CCDC192: variants seen among roughly 807,000 people sequenced by gnomAD.
The protein encoded by CCDC192 is coiled-coil domain-containing protein 192.
At chr5:127,719,524 T>TATAC (rs1561444898) in intron 2 of CCDC192, among the ~76,000 whole-genome samples, 2 of 88,242 alleles carry the variant, frequency 2.3e-5, no homozygotes, top group East Asian at 3.2e-4. Flanking sequence ...TATATATATA[T>TATAC]ACACACATAC....
chr5:127,747,169 A>G (rs532455360), intron 2 of CCDC192, among the ~76,000 whole-genome samples: 482 of 151,244 alleles, frequency 3.2e-3, no homozygotes, highest in Non-Finnish European at 5.4e-3. Flanking sequence ...GGTTAGTTAC[A>G]TACGTATACA....
At chr5:127,807,629 T>A (rs1163966636) in intron 5 of CCDC192, among the ~76,000 whole-genome samples, 1 of 152,108 alleles carries the variant, frequency 6.6e-6, no homozygotes, top group African/African-American at 2.4e-5. Flanking sequence ...GGGTAGTTCT[T>A]CAATTCAAGA....
At chr5:127,847,349 CAT>C (rs1183603069) in intron 5 of CCDC192, among the ~76,000 whole-genome samples, 1 of 152,186 alleles carries the variant, frequency 6.6e-6, no homozygotes. Flanking sequence ...TTGAAATTCA[CAT>C]AGTGAATAGT....
intron 6 of CCDC192, among the ~76,000 whole-genome samples, chr5:127,885,224 CA>C (rs1261295878): frequency 6.6e-6 from 1 of 152,122 alleles, no homozygotes; most frequent in Non-Finnish European, 1.5e-5. Context: ...TGATCAATTT[CA>C]AAGGTTTCGT....
intron 6 of CCDC192, among the ~76,000 whole-genome samples, chr5:127,879,572 A>C (rs549083986): frequency 1.2e-3 from 58 of 47,930 alleles, no homozygotes; most frequent in Non-Finnish European, 1.4e-3. Flanking sequence ...GCAACAAAAG[A>C]CAAAATTGAC....
chr5:127,847,370 T>G (rs957605635), intron 5 of CCDC192, among the ~76,000 whole-genome samples: 2 of 152,232 alleles, frequency 1.3e-5, no homozygotes, highest in Admixed American at 6.5e-5. Flanking sequence ...GTCCGTTATA[T>G]TTTTGCTGCT....
At chr5:127,827,858 T>C (rs1010337721) in intron 5 of CCDC192, among the ~76,000 whole-genome samples, 2 of 152,210 alleles carry the variant, frequency 1.3e-5, no homozygotes, top group African/African-American at 4.8e-5. Context: ...ACTCTACCCA[T>C]GTAAAATCCT....
chr5:127,761,981 A>C (rs967396859), intron 3 of CCDC192, among the ~76,000 whole-genome samples: 1 of 152,170 alleles, frequency 6.6e-6, no homozygotes, highest in African/African-American at 2.4e-5. Flanking sequence ...GATACCAGCA[A>C]ATTTTTGATA....
chr5:127,810,132 CT>C (rs1438847911), intron 5 of CCDC192, among the ~76,000 whole-genome samples: 1 of 152,190 alleles, frequency 6.6e-6, no homozygotes, highest in Admixed American at 6.5e-5. Context: ...ATAATGCTAG[CT>C]TTTGTAACAC....
intron 5 of CCDC192, among the ~76,000 whole-genome samples, chr5:127,840,666 G>A (rs1476238850): frequency 6.6e-6 from 1 of 152,040 alleles, no homozygotes; most frequent in Non-Finnish European, 1.5e-5. Flanking sequence ...TAAGACTCCA[G>A]GAAGTTAAGC....
chr5:127,843,646 C>T (rs570603428), intron 5 of CCDC192, among the ~76,000 whole-genome samples: 3 of 151,984 alleles, frequency 2.0e-5, no homozygotes, highest in African/African-American at 4.8e-5. Context: ...TCATATTGGC[C>T]GGGCTGGTCT....
intron 5 of CCDC192, among the ~76,000 whole-genome samples, chr5:127,844,716 A>G (rs1310457492): frequency 1.3e-5 from 2 of 152,214 alleles, no homozygotes; most frequent in Non-Finnish European, 2.9e-5. Flanking sequence ...CTCTTTGTGC[A>G]TTCACAGTGG....
chr5:127,871,169 C>T (rs905020098), intron 5 of CCDC192, among the ~76,000 whole-genome samples: 2 of 152,188 alleles, frequency 1.3e-5, no homozygotes, highest in African/African-American at 2.4e-5. Context: ...GCCTAGGCAC[C>T]GGGCCAGCTC....
At chr5:127,801,261 A>T (rs1418564535) in intron 5 of CCDC192, among the ~76,000 whole-genome samples, 1 of 152,184 alleles carries the variant, frequency 6.6e-6, no homozygotes, top group East Asian at 1.9e-4. Flanking sequence ...TTAGGAAATA[A>T]CTTGAAGTAT....
At chr5:127,717,934 A>G (rs1417462584) in intron 2 of CCDC192, among the ~76,000 whole-genome samples, 1 of 150,848 alleles carries the variant, frequency 6.6e-6, no homozygotes, top group African/African-American at 2.4e-5. Flanking sequence ...TAGACAAAAA[A>G]AAAAAAAAAA....
At chr5:127,794,450 A>G (rs895971314) in intron 3 of CCDC192, among the ~76,000 whole-genome samples, 4 of 152,242 alleles carry the variant, frequency 2.6e-5, no homozygotes, top group African/African-American at 9.6e-5. Context: ...AAATTGAGAT[A>G]CTAAAATAAA....
At chr5:127,849,518 G>A (rs1750708003) in intron 5 of CCDC192, among the ~76,000 whole-genome samples, 1 of 152,166 alleles carries the variant, frequency 6.6e-6, no homozygotes, top group Admixed American at 6.5e-5. Context: ...GGACAAAAGA[G>A]TGATTTCGTC....
chr5:127,776,854 GAGAAGTC>G (rs935612421), intron 3 of CCDC192, among the ~76,000 whole-genome samples: 1 of 152,232 alleles, frequency 6.6e-6, no homozygotes, highest in Non-Finnish European at 1.5e-5. Flanking sequence ...TGCGCGTGCA[GAGAAGTC>G]AAGAATTGAG....
intron 2 of CCDC192, among the ~76,000 whole-genome samples, chr5:127,749,765 C>G (rs1357755367): frequency 5.3e-5 from 8 of 152,098 alleles, no homozygotes; most frequent in Admixed American, 1.3e-4. Flanking sequence ...GGTTGGTAAG[C>G]TATTGATTAT....
Sources: allele counts gnomAD v4.1 joint callset (sites outside exome capture counted in the v4.1 genomes callset), GRCh38; gene constraint gnomAD v4.1.1; transcripts MANE v1.5; gene names NCBI Gene and HGNC (gene_info 2026-07-23, HGNC 2026-07-21).